EYS: variants seen among roughly 807,000 people sequenced by gnomAD.
The protein encoded by EYS is protein eyes shut homolog.
EYS carries 250 observed loss-of-function variants against 282.1 expected under a neutral mutation model. The observed-to-expected ratio is 0.89, with a 90% confidence interval of 0.80 to 0.98. EYS has a LOEUF of 0.98. Among genes scored for constraint, EYS ranks in the 50% least tolerant of loss-of-function variants. EYS has a pLI of 0.00. For synonymous variants in EYS, 1,355 were observed against 1,282.9 expected, an observed-to-expected ratio of 1.06 and a Z score of -1.20; for missense variants, 4,016 against 3,709.0, an observed-to-expected ratio of 1.08 and a Z score of -2.15.
chr6:63,760,340 T>C (rs918490236), intron 41 of EYS, among the ~76,000 whole-genome samples: 2 of 152,032 alleles, frequency 1.3e-5, no homozygotes, highest in African/African-American at 4.8e-5. Flanking sequence ...AGCTATAACA[T>C]AAATGAGCAA....
intron 12 of EYS, among the ~76,000 whole-genome samples, chr6:65,243,453 C>A (rs1363284540): frequency 6.6e-6 from 1 of 152,086 alleles, no homozygotes; most frequent in Non-Finnish European, 1.5e-5. Flanking sequence ...AGCTTCTGAG[C>A]TTTTGTGACG....
chr6:64,147,400 T>C (rs1774555406), intron 31 of EYS, among the ~76,000 whole-genome samples: 1 of 152,158 alleles, frequency 6.6e-6, no homozygotes, highest in African/African-American at 2.4e-5. Flanking sequence ...GGAGGAATGG[T>C]AATGCTGAAT....
At chr6:65,624,293 C>T (rs2149803907) in intron 2 of EYS, among the ~76,000 whole-genome samples, 1 of 152,246 alleles carries the variant, frequency 6.6e-6, no homozygotes, top group Middle Eastern at 3.4e-3. Flanking sequence ...GTTTTGCCCC[C>T]TTAATCTTCA....
In EYS at chr6:64,155,990, ATGTG is replaced by A. The variant is rs141895339; in HGVS notation, c.6425-73992_6425-73989del. On this transcript the variant is annotated intron_variant, in intron 31 of 42. Transcript: ENST00000503581. ...TCAAACATATCATTTATATATATAT[ATGTG>A]TGTGTGTGTGTGTATGTGTGTATGT... Among the ~76,000 whole-genome samples the A allele has an allele frequency of 3.0e-4, 44 of 148,418 alleles. 1 individual carries two copies. Among genetic ancestry groups the A allele is most frequent in the Admixed American group, 2.2e-3 (32 of 14,790 alleles).
At chr6:64,297,977 C>CAAAAAAAAAAAAAAAAAAAAAAAA (rs34562408) in intron 30 of EYS, among the ~76,000 whole-genome samples, 9 of 96,432 alleles carry the variant, frequency 9.3e-5, no homozygotes, top group African/African-American at 3.5e-4. Context: ...GATTCTGTCT[C>CAAAAAAAAAAAAAAAAAAAAAAAA]AAAAAAAAAA....
intron 13 of EYS, among the ~76,000 whole-genome samples, chr6:65,037,875 C>A (rs1340759894): frequency 6.6e-6 from 1 of 151,570 alleles, no homozygotes; most frequent in Non-Finnish European, 1.5e-5. Context: ...GTTTCTATGC[C>A]TGTGTATTAA....
At chr6:65,507,737 A>G (rs1766709553) in intron 2 of EYS, among the ~76,000 whole-genome samples, 1 of 151,968 alleles carries the variant, frequency 6.6e-6, no homozygotes, top group African/African-American at 2.4e-5. Flanking sequence ...GAACCTATCA[A>G]TGGTCTTTAT....
chr6:65,561,871 G>T lies in EYS; in HGVS notation c.-332-65878C>A, dbSNP rs557564549. 9.9e-5 allele frequency among the ~76,000 whole-genome samples: 15 copies of T among 151,570 alleles called. No homozygotes were observed. The South Asian group carries it at 3.1e-3, about 31-fold the overall frequency. On this transcript the variant is annotated intron_variant, in intron 2 of 42. Transcript: ENST00000503581. ...ATTATTTAGTTAATATTAATAAGCA[G>T]AATTTTATATAACATTTAATATTTT...
intron 13 of EYS, among the ~76,000 whole-genome samples, chr6:65,040,625 A>T (rs1345742787): frequency 6.6e-6 from 1 of 151,638 alleles, no homozygotes; most frequent in Non-Finnish European, 1.5e-5. Context: ...TACTCACTTG[A>T]TGCCTCTTTT....
At chr6:64,071,570 A>ATTTAGCTGATTTTTCTTTGTT (rs1156542968) in intron 32 of EYS, among the ~76,000 whole-genome samples, 1 of 122,994 alleles carries the variant, frequency 8.1e-6, no homozygotes, top group African/African-American at 4.4e-5. Flanking sequence ...ATACTTTAAC[A>ATTTAGCTGATTTTTCTTTGTT]AAGAAAAATC....
At chr6:64,725,906 A>G (rs1458910421) in intron 22 of EYS, among the ~76,000 whole-genome samples, 3 of 152,146 alleles carry the variant, frequency 2.0e-5, no homozygotes, top group Non-Finnish European at 4.4e-5. Context: ...CATTGCTGAT[A>G]CATTTAGGTG....
At chr6:64,590,180 A>G in intron 26 of EYS, 43 bp downstream of exon 26, 1 of 1,448,294 alleles carries the variant, frequency 6.9e-7, no homozygotes, top group Non-Finnish European at 9.2e-7. Flanking sequence ...TAGAAAAGAA[A>G]CTCATTTCTA....
chr6:65,399,890 G>T (rs1300505789), intron 7 of EYS, among the ~76,000 whole-genome samples: 5 of 151,810 alleles, frequency 3.3e-5, no homozygotes, highest in African/African-American at 4.8e-5. Context: ...CTCCTTGCTG[G>T]ACTTCATGGT....
chr6:64,385,925 T>C (rs1190446569), intron 29 of EYS, among the ~76,000 whole-genome samples: 1 of 152,184 alleles, frequency 6.6e-6, no homozygotes, highest in African/African-American at 2.4e-5. Flanking sequence ...CTCTATTCCT[T>C]AACTAATTTG....
chr6:65,041,216 T>A (rs1163664668), intron 13 of EYS, among the ~76,000 whole-genome samples: 1 of 151,680 alleles, frequency 6.6e-6, no homozygotes, highest in African/African-American at 2.4e-5. Flanking sequence ...ATAGCACAGA[T>A]CAGTCCATAG....
chr6:65,218,320 A>C (rs185101065), intron 12 of EYS, among the ~76,000 whole-genome samples: 61 of 152,172 alleles, frequency 4.0e-4, no homozygotes, highest in African/African-American at 9.2e-4. Flanking sequence ...AATTACAGGA[A>C]AAAAAATTTA....
chr6:64,271,776 G>A (rs1767946990), intron 30 of EYS, among the ~76,000 whole-genome samples: 1 of 151,804 alleles, frequency 6.6e-6, no homozygotes, highest in Admixed American at 6.6e-5. Flanking sequence ...ATGTCCGTCT[G>A]TTGTTCCATT....
At chr6:64,563,103 T>C (rs1020847962) in intron 26 of EYS, among the ~76,000 whole-genome samples, 4 of 152,036 alleles carry the variant, frequency 2.6e-5, no homozygotes, top group African/African-American at 9.7e-5. Flanking sequence ...TTGAAGTAGG[T>C]ACTTAGTTTT....
At chr6:64,911,239 C>A (rs919078501) in intron 16 of EYS, among the ~76,000 whole-genome samples, 1 of 151,934 alleles carries the variant, frequency 6.6e-6, no homozygotes. Flanking sequence ...TCAAATGCTC[C>A]CCTTGTATTT....
Sources: gnomAD v4.1 joint callset for allele counts (sites outside exome capture counted in the v4.1 genomes callset) on GRCh38, gnomAD v4.1.1 for gene constraint, MANE v1.5 for transcripts, NCBI Gene and HGNC (gene_info 2026-07-23, HGNC 2026-07-21) for gene names.